Variants in PRKD1 observed in about 807,000 individuals in gnomAD.
The protein encoded by PRKD1 is protein kinase D1.
Under a neutral mutation model 95.9 loss-of-function variants are expected in PRKD1, and 63 were observed. That is an observed-to-expected ratio of 0.66 (90% CI 0.54 to 0.81). PRKD1 has a LOEUF of 0.81. Among genes scored for constraint, PRKD1 ranks in the 30% least tolerant of loss-of-function variants. The pLI is 0.00. For missense variants in PRKD1, 1,048 were observed against 1,165.3 expected (o/e 0.90, Z 1.47); for synonymous variants, 425 against 423.1 (o/e 1.00, Z -0.05).
chr14:29,860,060 A>C (rs996081111), intron 1 of PRKD1, among the ~76,000 whole-genome samples: 5 of 152,236 alleles, frequency 3.3e-5, no homozygotes, highest in Admixed American at 1.3e-4. Flanking sequence ...CTAGAGACTT[A>C]AGGGCAAAAG....
At chr14:29,696,165 C>A (rs12896643) in intron 2 of PRKD1, among the ~76,000 whole-genome samples, 77,147 of 151,884 alleles carry the variant, frequency 0.51, 21,852 homozygotes, top group African/African-American at 0.77. Flanking sequence ...AAACAAAACA[C>A]AGCATGAGCT....
intron 10 of PRKD1, chr14:29,630,487 C>T (rs1466963650): frequency 6.3e-6 from 3 of 475,148 alleles, no homozygotes; most frequent in Non-Finnish European, 7.5e-6. Flanking sequence ...CTGTAATTGC[C>T]TAATACATAG....
intron 1 of PRKD1, among the ~76,000 whole-genome samples, chr14:29,790,472 C>T (rs1889494123): frequency 6.6e-6 from 1 of 152,138 alleles, no homozygotes; most frequent in South Asian, 2.1e-4. Context: ...TTGATATAAG[C>T]ATTAATCAAT....
At chr14:29,793,951 A>G (rs899344491) in intron 1 of PRKD1, among the ~76,000 whole-genome samples, 38 of 152,058 alleles carry the variant, frequency 2.5e-4, no homozygotes, top group African/African-American at 8.9e-4. Context: ...CTAAGATCCA[A>G]TGTTTCCTCT....
chr14:29,670,350 T>C (rs1158870699), intron 2 of PRKD1, among the ~76,000 whole-genome samples: 1 of 152,168 alleles, frequency 6.6e-6, no homozygotes, highest in Non-Finnish European at 1.5e-5. Flanking sequence ...TGGCTAAGTC[T>C]GTCTAGGTCT....
At chr14:29,909,192 C>T (rs950862687) in intron 1 of PRKD1, among the ~76,000 whole-genome samples, 3 of 152,228 alleles carry the variant, frequency 2.0e-5, no homozygotes, top group East Asian at 3.9e-4. Flanking sequence ...AGCCCACCAG[C>T]GCTGCACTTG....
chr14:29,712,524 T>C (rs967217795), intron 2 of PRKD1, among the ~76,000 whole-genome samples: 1 of 152,186 alleles, frequency 6.6e-6, no homozygotes, highest in African/African-American at 2.4e-5. Flanking sequence ...TATTAAAATG[T>C]ATGTACTAAA....
At chr14:29,853,426 A>C (rs1259721334) in intron 1 of PRKD1, among the ~76,000 whole-genome samples, 1 of 152,190 alleles carries the variant, frequency 6.6e-6, no homozygotes, top group Non-Finnish European at 1.5e-5. Context: ...AAACTTATCA[A>C]AGCTTACATT....
chr14:29,654,913 C>T (rs1040809212), intron 4 of PRKD1, among the ~76,000 whole-genome samples: 16 of 152,188 alleles, frequency 1.1e-4, no homozygotes, highest in Non-Finnish European at 1.5e-5. Context: ...AGTCTGTTAT[C>T]TTTTTGACAA....
At chr14:29,862,403 G>A (rs1892741970) in intron 1 of PRKD1, among the ~76,000 whole-genome samples, 2 of 152,138 alleles carry the variant, frequency 1.3e-5, no homozygotes, top group Admixed American at 1.3e-4. Flanking sequence ...CCTCAGCAGT[G>A]GGACTGCTGT....
At chr14:29,842,319 T>C (rs925075943) in intron 1 of PRKD1, among the ~76,000 whole-genome samples, 1 of 152,252 alleles carries the variant, frequency 6.6e-6, no homozygotes, top group African/African-American at 2.4e-5. Context: ...AACAATGGTA[T>C]GTGCTATATT....
chr14:29,661,732 C>T, intron 4 of PRKD1, among the ~76,000 whole-genome samples: 1 of 152,082 alleles, frequency 6.6e-6, no homozygotes, highest in East Asian at 1.9e-4. Context: ...ATGCATTTCT[C>T]ATTTAAAGTT....
chr14:29,627,828 C>T lies in PRKD1; in HGVS notation c.1725+1213G>A, dbSNP rs79737972. The stretch of plus-strand genomic sequence containing the variant: ...ATCCTGTGATTCTTCAAAGTCCCCA[C>T]AGGATGAGTTCAACGCTGTCTAGGG... On this transcript the variant is annotated intron_variant, in intron 11 of 17. Coordinates refer to ENST00000331968, the MANE Select transcript of PRKD1 (RefSeq NM_002742.3). Among the ~76,000 whole-genome samples the T allele has an allele frequency of 7.0e-3, 1,067 of 152,252 alleles. 12 individuals carry two copies. Among genetic ancestry groups the T allele is most frequent in the African/African-American group, 0.024 (1,010 of 41,548 alleles).
chr14:29,609,715 T>TTA lies in PRKD1; in HGVS notation c.1906-9899_1906-9898insTA, dbSNP rs1555327788. ...ACCACCACGCCCAGCTATTTCTTTATTTTTTTTTTTTTTTTGTACTTTTAG... is the reference window on the plus strand; with the variant it reads ...ACCACCACGCCCAGCTATTTCTTTATTATTTTTTTTTTTTTTTGTACTTTTAG... On this transcript the variant is annotated intron_variant, in intron 13 of 17. Coordinates refer to ENST00000331968, the MANE Select transcript of PRKD1 (RefSeq NM_002742.3). 4.0e-4 allele frequency among the ~76,000 whole-genome samples: 25 copies of TTA among 62,632 alleles called. No individual in the cohort carries two copies. In the South Asian group the frequency reaches 5.0e-3, roughly 12 times the overall value. 41.1% of individuals were successfully genotyped at this position (62,632 alleles called of 152,430 possible).
At chr14:29,797,118 C>A (rs45588735) in intron 1 of PRKD1, among the ~76,000 whole-genome samples, 2 of 151,992 alleles carry the variant, frequency 1.3e-5, no homozygotes, top group Non-Finnish European at 1.5e-5. Context: ...ACCAGACCTA[C>A]GATAAAAAGG....
chr14:29,826,706 T>TAC lies in PRKD1; in HGVS notation c.264+100541_264+100542dup, dbSNP rs1286976903. 4.7e-3 allele frequency among the ~76,000 whole-genome samples: 336 copies of TAC among 72,044 alleles called. 7 individuals carry two copies. The highest frequency in any genetic ancestry group is 8.4e-3 in the Non-Finnish European group (294 of 35,128). The allele number at this position is 72,044 out of a possible 152,430, so 47.3% of individuals were successfully genotyped here. ...ATATACACACATATATATACATATATACACATATATATATACATATATATA... is the reference window on the plus strand; with the variant it reads ...ATATACACACATATATATACATATATACACACATATATATATACATATATATA... On this transcript the variant is annotated intron_variant, in intron 1 of 17. Transcript: ENST00000331968.
chr14:29,733,251 C>T (rs376146388), intron 1 of PRKD1, among the ~76,000 whole-genome samples: 1 of 151,718 alleles, frequency 6.6e-6, no homozygotes, highest in African/African-American at 2.4e-5. Flanking sequence ...TACAGGCGCC[C>T]GCCACCACAC....
chr14:29,577,684 G>A (rs1000523583), intron 17 of PRKD1, among the ~76,000 whole-genome samples: 1 of 152,080 alleles, frequency 6.6e-6, no homozygotes. Context: ...TCAAAGAGTG[G>A]GCAATTAATG....
At chr14:29,649,169 AT>A (rs1881329451) in intron 4 of PRKD1, among the ~76,000 whole-genome samples, 2 of 152,112 alleles carry the variant, frequency 1.3e-5, no homozygotes, top group East Asian at 1.9e-4. Context: ...GGCCTGCCTG[AT>A]TTTTTTAGCC....
Sources: allele counts gnomAD v4.1 joint callset (sites outside exome capture counted in the v4.1 genomes callset), GRCh38; gene constraint gnomAD v4.1.1; transcripts MANE v1.5; gene names NCBI Gene and HGNC (gene_info 2026-07-23, HGNC 2026-07-21).